Variants in FOXP1 observed in about 807,000 individuals in gnomAD.
FOXP1 encodes forkhead box protein P1.
FOXP1 carries 15 observed loss-of-function variants against 98.2 expected under a neutral mutation model. The observed-to-expected ratio is 0.15, with a 90% CI of 0.10 to 0.24. The LOEUF is 0.24. Ranked by LOEUF, FOXP1 falls within the 10% of genes least tolerant of loss-of-function variation. The probability of loss-of-function intolerance (pLI) is 1.00; values close to 1 mark genes in which losing one functional copy is unlikely to be tolerated. For missense variants in FOXP1, 633 were observed against 848.5 expected (o/e 0.75, Z 3.15); for synonymous variants, 371 against 314.5 (o/e 1.18, Z -1.90).
chr3:71,179,656 C>T (rs1421260742), intron 6 of FOXP1, among the ~76,000 whole-genome samples: 1 of 152,136 alleles, frequency 6.6e-6, no homozygotes, highest in Non-Finnish European at 1.5e-5. Flanking sequence ...ACTGCTAGCT[C>T]TTTTCTCATC....
At chr3:71,016,194 T>G (rs2044452929) in intron 11 of FOXP1, among the ~76,000 whole-genome samples, 1 of 151,942 alleles carries the variant, frequency 6.6e-6, no homozygotes, top group African/African-American at 2.4e-5. Context: ...TCCAAGCAGA[T>G]GATTCGTGTT....
At chr3:71,570,267 ACTTTT>A (rs1578223431) in intron 2 of FOXP1, 1 of 146,940 alleles carries the variant, frequency 6.8e-6, no homozygotes, top group African/African-American at 2.5e-5. Flanking sequence ...CTTGTTTTCT[ACTTTT>A]CTTTTTTTTT....
intron 3 of FOXP1, among the ~76,000 whole-genome samples, chr3:71,389,239 G>A (rs1343578170): frequency 3.9e-5 from 2 of 51,022 alleles, no homozygotes; most frequent in African/African-American, 1.6e-4. Flanking sequence ...TGTAAGCGGC[G>A]GGGGGGGGGG....
intron 7 of FOXP1, among the ~76,000 whole-genome samples, chr3:71,092,999 G>A (rs1370401568): frequency 2.0e-5 from 3 of 152,150 alleles, no homozygotes; most frequent in African/African-American, 7.2e-5. Context: ...GGTGGCTCAC[G>A]CCTATAATCC....
intron 6 of FOXP1, among the ~76,000 whole-genome samples, chr3:71,149,760 C>T (rs1028758082): frequency 6.6e-6 from 1 of 152,038 alleles, no homozygotes; most frequent in Non-Finnish European, 1.5e-5. Context: ...CTGTTTTCAT[C>T]CATATATGCA....
intron 4 of FOXP1, among the ~76,000 whole-genome samples, chr3:71,320,871 C>T (rs182294583): frequency 2.0e-5 from 3 of 152,188 alleles, no homozygotes; most frequent in South Asian, 2.1e-4. Flanking sequence ...TTGTTCATAC[C>T]TCTGAAGATA....
At chr3:71,304,217 G>GC (rs1323316622) in intron 4 of FOXP1, among the ~76,000 whole-genome samples, 5 of 152,126 alleles carry the variant, frequency 3.3e-5, no homozygotes, top group African/African-American at 4.8e-5. Context: ...CAGGCTGGCA[G>GC]CCCCCCACTC....
chr3:71,220,782 TA>T (rs2065310563), intron 5 of FOXP1, among the ~76,000 whole-genome samples: 1 of 150,666 alleles, frequency 6.6e-6, no homozygotes, highest in Non-Finnish European at 1.5e-5. Flanking sequence ...TAAAATAAAA[TA>T]AAATAAAAGA....
At chr3:71,198,050 G>A (rs1269596916) in intron 6 of FOXP1, 152 bp downstream of exon 6, 2 of 1,614,252 alleles carry the variant, frequency 1.2e-6, no homozygotes, top group Non-Finnish European at 1.7e-6. Context: ...CTAGAGGGCT[G>A]ATGGTTTATG....
At chr3:71,540,887 G>A (rs1009828902) in intron 2 of FOXP1, among the ~76,000 whole-genome samples, 1 of 152,220 alleles carries the variant, frequency 6.6e-6, no homozygotes, top group African/African-American at 2.4e-5. Context: ...ACCAATGAAA[G>A]ATTAGAAGGA....
intron 2 of FOXP1, among the ~76,000 whole-genome samples, chr3:71,532,273 T>A (rs2043917611): frequency 6.6e-6 from 1 of 152,262 alleles, no homozygotes; most frequent in South Asian, 2.1e-4. Flanking sequence ...ATTTTTGTAT[T>A]TTTTGTAGAG....
At chr3:71,423,971 T>A (rs958600077) in intron 3 of FOXP1, among the ~76,000 whole-genome samples, 1 of 152,210 alleles carries the variant, frequency 6.6e-6, no homozygotes, top group African/African-American at 2.4e-5. Context: ...TACATATTTA[T>A]TTTTTAGAGA....
At chr3:71,301,319 G>A (rs770762679) in intron 4 of FOXP1, among the ~76,000 whole-genome samples, 6 of 152,144 alleles carry the variant, frequency 3.9e-5, no homozygotes, top group Non-Finnish European at 7.4e-5. Context: ...GTCTATTTCA[G>A]GGCAAGCAAC....
chr3:71,302,519 A>T (rs1330553972), intron 4 of FOXP1, among the ~76,000 whole-genome samples: 1 of 151,230 alleles, frequency 6.6e-6, no homozygotes, highest in Non-Finnish European at 1.5e-5. Context: ...TATGTAAAAA[A>T]AAAAAAAAAA....
At position 70,959,175 on chromosome 3, in the gene FOXP1, G is replaced by GCTAA. The variant is rs1348330093; in HGVS notation, c.*68_*71dup. 6 of 1,549,034 alleles carry GCTAA rather than the reference G, an allele frequency of 3.9e-6. No homozygotes were observed. The South Asian group carries it at 6.7e-5, about 17-fold the overall frequency. ...ACAACAAATGGAGAACAATTTCACT[G>GCTAA]CTAACTTTTGACGTGTTTTTTTTTT... On this transcript the variant is annotated 3_prime_UTR_variant, in exon 21 of 21. Transcript: ENST00000649528.
At position 71,175,998 on chromosome 3, in the gene FOXP1, TTAAAA is replaced by T. The variant is rs1379728667; in HGVS notation, c.180+22199_180+22203del. ...CAAAATAATCCACTCTCCCCAGTTATTAAAATAACGAAAGTAACTGTGGCAACTTC... is the reference window on the plus strand; with the variant it reads ...CAAAATAATCCACTCTCCCCAGTTATTAACGAAAGTAACTGTGGCAACTTC... On this transcript the variant is annotated intron_variant, in intron 6 of 20. Transcript: ENST00000649528. Among the ~76,000 whole-genome samples, 6 of 152,330 alleles carry T rather than the reference TTAAAA, an allele frequency of 3.9e-5. No homozygotes were observed. The East Asian group carries it at 1.2e-3, about 29-fold the overall frequency.
chr3:71,115,627 G>A (rs1164134629), intron 6 of FOXP1, among the ~76,000 whole-genome samples: 2 of 151,988 alleles, frequency 1.3e-5, no homozygotes, highest in East Asian at 3.9e-4. Flanking sequence ...GTGAGCCACT[G>A]CACCCAGTCT....
chr3:71,088,873 T>C (rs996082748), intron 7 of FOXP1, among the ~76,000 whole-genome samples: 14 of 152,220 alleles, frequency 9.2e-5, no homozygotes, highest in Non-Finnish European at 1.9e-4. Flanking sequence ...TCATCTCTTT[T>C]GTCAATCTCT....
At chr3:71,580,214 C>G (rs1431728359) in intron 2 of FOXP1, among the ~76,000 whole-genome samples, 1 of 149,288 alleles carries the variant, frequency 6.7e-6, no homozygotes, top group East Asian at 2.0e-4. Context: ...CCCTCTCTCT[C>G]ATACAATGAC....
Sources: gnomAD v4.1 joint callset for allele counts (sites outside exome capture counted in the v4.1 genomes callset) on GRCh38, gnomAD v4.1.1 for gene constraint, MANE v1.5 for transcripts, NCBI Gene and HGNC (gene_info 2026-07-23, HGNC 2026-07-21) for gene names.